The following LGSN variants were observed in gnomAD, a reference collection of about 807,000 sequenced individuals.
LGSN encodes lengsin, lens protein with glutamine synthetase domain.
In LGSN, 21 loss-of-function variants were observed where a neutral mutation model predicts 19.5. That is an observed-to-expected ratio of 1.07 (90% CI 0.76 to 1.55). The LOEUF (loss-of-function observed/expected upper bound fraction) is 1.55, where lower values mean the gene tolerates loss of function less well. Ranked by LOEUF, LGSN falls within the 40% of genes most tolerant of loss-of-function variation. The pLI is 0.00. For synonymous variants in LGSN, 257 were observed against 215.6 expected, an observed-to-expected ratio of 1.19 and a Z score of -1.68; for missense variants, 673 against 608.5, an observed-to-expected ratio of 1.11 and a Z score of -1.12.
At chr6:63,478,000 C>G in the LGSN span, among the ~76,000 whole-genome samples, 1 of 152,184 alleles carries the variant, frequency 6.6e-6, no homozygotes, top group African/African-American at 2.4e-5. Flanking sequence ...TCATCCTCCT[C>G]CTACTTCTCA....
At chr6:63,551,464 C>T in the LGSN span, among the ~76,000 whole-genome samples, 1 of 152,178 alleles carries the variant, frequency 6.6e-6, no homozygotes, top group East Asian at 1.9e-4. Context: ...TATGCATTTT[C>T]ACCTATTTCT....
the LGSN span, among the ~76,000 whole-genome samples, chr6:63,340,028 C>T: frequency 2.6e-5 from 4 of 152,018 alleles, no homozygotes; most frequent in African/African-American, 7.2e-5. Flanking sequence ...GATAGCTGTA[C>T]TGGTTATAGT....
the LGSN span, among the ~76,000 whole-genome samples, chr6:63,372,239 T>C: frequency 6.6e-6 from 1 of 152,140 alleles, no homozygotes; most frequent in African/African-American, 2.4e-5. Context: ...GACTATGTAG[T>C]AAAACAAAAA....
At chr6:63,383,913 T>G in the LGSN span, among the ~76,000 whole-genome samples, 1 of 152,300 alleles carries the variant, frequency 6.6e-6, no homozygotes, top group Admixed American at 6.5e-5. Flanking sequence ...TTCAAACTCA[T>G]TTTATCTCTG....
the LGSN span, among the ~76,000 whole-genome samples, chr6:63,491,321 G>A: frequency 6.6e-6 from 1 of 152,088 alleles, no homozygotes; most frequent in African/African-American, 2.4e-5. Flanking sequence ...TGCCAAAATT[G>A]GCATTAATCA....
the LGSN span, among the ~76,000 whole-genome samples, chr6:63,518,179 A>G: frequency 5.3e-5 from 8 of 150,892 alleles, no homozygotes; most frequent in South Asian, 2.1e-4. Flanking sequence ...AAAAAATCTC[A>G]GTAGGTTTCT....
the LGSN span, among the ~76,000 whole-genome samples, chr6:63,546,065 C>T: frequency 2.0e-5 from 3 of 152,130 alleles, no homozygotes; most frequent in Non-Finnish European, 2.9e-5. Context: ...GAAGAGACAT[C>T]TACACTCCCT....
At chr6:63,347,553 C>G in the LGSN span, among the ~76,000 whole-genome samples, 1 of 152,204 alleles carries the variant, frequency 6.6e-6, no homozygotes, top group African/African-American at 2.4e-5. Context: ...TCAGTTCATT[C>G]ACTCATTCAT....
chr6:63,365,799 A>G, the LGSN span, among the ~76,000 whole-genome samples: 1 of 152,236 alleles, frequency 6.6e-6, no homozygotes. Flanking sequence ...AAATCAATAA[A>G]TGTAATTCAT....
chr6:63,568,429 T>C, the LGSN span, among the ~76,000 whole-genome samples: 1 of 152,200 alleles, frequency 6.6e-6, no homozygotes, highest in Non-Finnish European at 1.5e-5. Context: ...TCAAATAAGT[T>C]TGCCATCTTA....
At chr6:63,383,273 T>C in the LGSN span, among the ~76,000 whole-genome samples, 119 of 151,168 alleles carry the variant, frequency 7.9e-4, no homozygotes, top group Middle Eastern at 3.4e-3. Flanking sequence ...AAGAGTGGAT[T>C]TTTTTTTTAA....
the LGSN span, among the ~76,000 whole-genome samples, chr6:63,360,770 T>C: frequency 6.6e-6 from 1 of 152,328 alleles, no homozygotes; most frequent in African/African-American, 2.4e-5. Context: ...TCTGTTTTTT[T>C]CCCCATCTTT....
chr6:63,367,963 G>GAT, the LGSN span, among the ~76,000 whole-genome samples: 2 of 151,170 alleles, frequency 1.3e-5, no homozygotes, highest in African/African-American at 4.9e-5. Context: ...AGGGGGGAGG[G>GAT]ATAGCATTAG....
chr6:63,432,251 G>T, the LGSN span, among the ~76,000 whole-genome samples: 1 of 151,576 alleles, frequency 6.6e-6, no homozygotes, highest in Admixed American at 6.6e-5. Context: ...CACACAGAAT[G>T]CCAGTAAGTT....
At chr6:63,505,597 G>GAAATAAATAAATAAAT in the LGSN span, among the ~76,000 whole-genome samples, 1 of 117,108 alleles carries the variant, frequency 8.5e-6, no homozygotes, top group Non-Finnish European at 1.7e-5. Flanking sequence ...AAGAAAGAAA[G>GAAATAAATAAATAAAT]AAAGAAAGAA....
At chr6:63,455,406 T>C in the LGSN span, among the ~76,000 whole-genome samples, 1 of 152,240 alleles carries the variant, frequency 6.6e-6, no homozygotes, top group African/African-American at 2.4e-5. Flanking sequence ...TAAGCTATTT[T>C]AATATAAATT....
rs780056293 is a variant in LGSN at position 63,285,740 on chromosome 6, GT to G, written c.176del (p.Asp59AlafsTer6). The G allele has an allele frequency of 7.4e-6, 12 of 1,613,794 alleles. No individual in the cohort carries two copies. Among genetic ancestry groups the G allele is most frequent in the African/African-American group, 1.3e-5 (1 of 74,872 alleles). Reference sequence around the variant, plus strand: ...GAGGTGGGGTCAAAATTTGACTGCTGTCCCTCATGCAATCTGCAAAATAAAA... The same window carrying G: ...GAGGTGGGGTCAAAATTTGACTGCTGCCCTCATGCAATCTGCAAAATAAAA... The part of the protein sequence containing the change: ...DMSNSNDCMR[D>X]SSQILTPPQL... On this transcript the variant is annotated frameshift_variant, in exon 3 of 4. Coordinates refer to ENST00000370657, the MANE Select transcript of LGSN (RefSeq NM_016571.3). LOFTEE classifies it high-confidence loss of function.
chr6:63,443,781 G>A, the LGSN span, among the ~76,000 whole-genome samples: 2 of 152,282 alleles, frequency 1.3e-5, no homozygotes, highest in Middle Eastern at 3.4e-3. Context: ...GGAGAAATGG[G>A]AGGTGGTGGG....
the LGSN span, among the ~76,000 whole-genome samples, chr6:63,429,214 A>T: frequency 1.3e-5 from 2 of 152,164 alleles, no homozygotes; most frequent in Non-Finnish European, 1.5e-5. Context: ...AGGTATTTGG[A>T]TGTAAGTCTC....
Sources: gnomAD v4.1 joint callset for allele counts (sites outside exome capture counted in the v4.1 genomes callset) on GRCh38, gnomAD v4.1.1 for gene constraint, MANE v1.5 for transcripts, NCBI Gene and HGNC (gene_info 2026-07-23, HGNC 2026-07-21) for gene names.